The following RHPN2 variants were observed in gnomAD, a reference collection of about 807,000 sequenced individuals.
RHPN2 encodes the protein rhophilin-2.
In RHPN2, 40 loss-of-function variants were observed where a neutral mutation model predicts 79.0. That is an observed-to-expected ratio of 0.51 (90% CI 0.39 to 0.66). The LOEUF is 0.66. Ranked by LOEUF, RHPN2 falls within the 30% of genes least tolerant of loss-of-function variation. The pLI is 0.00. For synonymous variants in RHPN2, 285 were observed against 363.5 expected (o/e 0.78, Z 2.46); for missense variants, 686 against 883.5 (o/e 0.78, Z 2.83).
intron 2 of RHPN2, among the ~76,000 whole-genome samples, chr19:33,029,763 C>T (rs1415500350): frequency 2.6e-5 from 4 of 151,992 alleles, no homozygotes; most frequent in South Asian, 2.1e-4. Flanking sequence ...CTATGGTTTA[C>T]GACAGCAAAA....
chr19:33,061,216 C>A (rs1972276703), intron 1 of RHPN2, among the ~76,000 whole-genome samples: 1 of 149,836 alleles, frequency 6.7e-6, no homozygotes, highest in African/African-American at 2.5e-5. Flanking sequence ...CTGGACAGCA[C>A]CTGCCTTTCT....
intron 8 of RHPN2, 110 bp from the exon 9 acceptor site, chr19:33,002,513 G>A: frequency 7.3e-7 from 1 of 1,375,836 alleles, no homozygotes. Context: ...CCTGCCAGGG[G>A]CTGCTCCAGA....
At position 33,008,032 on chromosome 19, in the gene RHPN2, CA is replaced by C; in HGVS notation, c.741del (p.Asp247GlufsTer10). ...GACATACCTGCGGCTCTCTGAAAGG[CA>C]TCTATGGCACTCTCCAGCCCAGCCT... is the stretch of plus-strand genomic sequence containing the variant. Reference protein sequence around the residue: ...QTQAGLESAIDAFQRAAGVLN... With the variant: ...QTQAGLESAIXAFQRAAGVLN... On this transcript the variant is annotated frameshift_variant, in exon 7 of 15. Coordinates refer to ENST00000254260, the MANE Select transcript of RHPN2 (RefSeq NM_033103.5). LOFTEE classifies it high-confidence loss of function. The C allele has an allele frequency of 6.2e-7, 1 of 1,612,548 alleles. No homozygotes were observed. The highest frequency in any genetic ancestry group is 8.5e-7 in the Non-Finnish European group (1 of 1,179,982).
intron 1 of RHPN2, among the ~76,000 whole-genome samples, chr19:33,054,602 G>A (rs999734705): frequency 6.6e-5 from 10 of 152,150 alleles, no homozygotes; most frequent in Non-Finnish European, 1.5e-4. Context: ...TGGTGTCTCC[G>A]TCCCTGGTGC....
chr19:33,018,815 C>G (rs112458086), intron 4 of RHPN2, among the ~76,000 whole-genome samples: 1 of 151,684 alleles, frequency 6.6e-6, no homozygotes, highest in Non-Finnish European at 1.5e-5. Context: ...GAGGCCGAGG[C>G]GGGTGGATCG....
At chr19:32,981,556 C>T (rs974671379) in intron 14 of RHPN2, among the ~76,000 whole-genome samples, 2 of 151,358 alleles carry the variant, frequency 1.3e-5, no homozygotes, top group Non-Finnish European at 2.9e-5. Context: ...CTCCCTGTCA[C>T]CTGGGCTTCT....
At chr19:33,043,936 T>C (rs1456203730) in intron 2 of RHPN2, among the ~76,000 whole-genome samples, 1 of 152,006 alleles carries the variant, frequency 6.6e-6, no homozygotes, top group Non-Finnish European at 1.5e-5. Context: ...GTGGAGAAAA[T>C]AGACAAGTCC....
intron 11 of RHPN2, 58 bp downstream of exon 11, chr19:32,995,968 C>T (rs1470476865): frequency 2.6e-6 from 4 of 1,562,812 alleles, no homozygotes; most frequent in African/African-American, 1.4e-5. Flanking sequence ...ACAGGCCAGG[C>T]GTACTCTTTC....
intron 13 of RHPN2, among the ~76,000 whole-genome samples, chr19:32,990,930 G>A (rs1329948775): frequency 2.6e-5 from 4 of 151,596 alleles, no homozygotes; most frequent in Non-Finnish European, 4.4e-5. Context: ...TTGGGAGGCT[G>A]AGGCAGGAGA....
intron 14 of RHPN2, among the ~76,000 whole-genome samples, chr19:32,980,872 C>T (rs1284676395): frequency 6.6e-6 from 1 of 152,004 alleles, no homozygotes; most frequent in Non-Finnish European, 1.5e-5. Context: ...GAGTCTCACT[C>T]TGTCGCCCAG....
rs531300983 is a variant in RHPN2 at position 32,999,693 on chromosome 19, G to T, written c.1118C>A (p.Thr373Lys). ...LLIDHQVKPGTDLDHQEKCLS... is the reference protein window; with the variant it reads ...LLIDHQVKPGKDLDHQEKCLS... ...GCACTTCTCCTGGTGGTCCAGATCCGTGCCTGGCTTCACTGCAAAGAGAAC... is the reference window on the plus strand; with the variant it reads ...GCACTTCTCCTGGTGGTCCAGATCCTTGCCTGGCTTCACTGCAAAGAGAAC... The change falls in exon 10 of 15, where the codon ACG (threonine) becomes AAG (lysine). Residue 373 changes from threonine to lysine, a missense_variant. By Grantham distance (78) the Thr-to-Lys change is moderately conservative (BLOSUM62 -1). Coordinates refer to ENST00000254260, the MANE Select transcript of RHPN2 (RefSeq NM_033103.5). 1 of 1,612,428 alleles carries T rather than the reference G, an allele frequency of 6.2e-7. No individual in the cohort carries two copies. The highest frequency in any genetic ancestry group is 8.5e-7 in the Non-Finnish European group (1 of 1,178,972).
At chr19:33,045,465 C>T (rs184452158) in intron 1 of RHPN2, among the ~76,000 whole-genome samples, 335 of 151,816 alleles carry the variant, frequency 2.2e-3, no homozygotes, top group Non-Finnish European at 3.3e-3. Context: ...GTTACAGAAC[C>T]ATCAGTGCTA....
intron 2 of RHPN2, among the ~76,000 whole-genome samples, chr19:33,040,943 TG>T (rs368562537): frequency 1.3e-5 from 2 of 152,158 alleles, no homozygotes; most frequent in African/African-American, 4.8e-5. Flanking sequence ...GGAGACAGAA[TG>T]AGACTCTGTC....
intron 4 of RHPN2, among the ~76,000 whole-genome samples, chr19:33,017,737 A>G (rs1971889867): frequency 7.0e-6 from 1 of 143,472 alleles, no homozygotes; most frequent in Non-Finnish European, 1.5e-5. Context: ...AGAGAGAGAG[A>G]TGACTGGCCA....
At chr19:33,021,972 G>T (rs1257405851) in intron 3 of RHPN2, among the ~76,000 whole-genome samples, 5 of 151,716 alleles carry the variant, frequency 3.3e-5, no homozygotes, top group African/African-American at 4.8e-5. Context: ...AGAGACTCTT[G>T]TTCTGTCGCC....
At chr19:32,980,646 A>C (rs1394453655) in intron 14 of RHPN2, among the ~76,000 whole-genome samples, 1 of 152,050 alleles carries the variant, frequency 6.6e-6, no homozygotes, top group Non-Finnish European at 1.5e-5. Context: ...AACTCAGGTG[A>C]CCAATGCTTA....
intron 1 of RHPN2, among the ~76,000 whole-genome samples, chr19:33,044,622 G>A (rs1972127198): frequency 6.6e-6 from 1 of 152,198 alleles, no homozygotes; most frequent in Non-Finnish European, 1.5e-5. Flanking sequence ...GCTAGGCACT[G>A]TGGCTCATGC....
intron 4 of RHPN2, among the ~76,000 whole-genome samples, chr19:33,018,713 A>G (rs1274109043): frequency 6.6e-6 from 1 of 152,154 alleles, no homozygotes; most frequent in Non-Finnish European, 1.5e-5. Context: ...CTGAGAATGA[A>G]CGTCAAGTGC....
intron 3 of RHPN2, 71 bp downstream of exon 3, chr19:33,026,433 T>G: frequency 8.2e-6 from 13 of 1,582,544 alleles, no homozygotes; most frequent in Non-Finnish European, 8.6e-6. Flanking sequence ...CTGACCTCTT[T>G]GTGCAGCACC....
Sources: gnomAD v4.1 joint callset for allele counts (sites outside exome capture counted in the v4.1 genomes callset) on GRCh38, gnomAD v4.1.1 for gene constraint, MANE v1.5 for transcripts, NCBI Gene and HGNC (gene_info 2026-07-23, HGNC 2026-07-21) for gene names.